Variants in PRAG1 observed in about 807,000 individuals in gnomAD.
PRAG1 encodes the protein inactive tyrosine-protein kinase PRAG1.
A neutral mutation model predicts 95.6 loss-of-function variants in PRAG1; 110 were observed. The ratio of observed to expected loss-of-function variants is 1.15; its 90% CI spans 0.99 to 1.35. The LOEUF is 1.35. Ranked by LOEUF, PRAG1 falls within the 40% of genes most tolerant of loss-of-function variation. The pLI, the probability that PRAG1 is intolerant of heterozygous loss-of-function variation, is 0.00. For missense variants in PRAG1, 2,554 were observed against 1,864.7 expected (o/e 1.37, Z -6.81); for synonymous variants, 1,052 against 819.4 (o/e 1.28, Z -4.85).
chr8:8,323,546 G>A (rs1292079056), intron 5 of PRAG1, among the ~76,000 whole-genome samples: 1 of 152,074 alleles, frequency 6.6e-6, no homozygotes, highest in South Asian at 2.1e-4. Context: ...GGCTGGTCTT[G>A]AACTCCTGAC....
Position 8,327,910 on chromosome 8 carries a change from G to C in PRAG1, c.2872C>G (p.Leu958Val), listed in dbSNP as rs1798684039. 6.2e-7 allele frequency: 1 copy of C among 1,614,060 alleles called. No homozygotes were observed. Among genetic ancestry groups the C allele is most frequent in the Non-Finnish European group, 8.5e-7 (1 of 1,179,958 alleles). ...AGGCGGGCCAGGGACTGGGTGTAGA[G>C]TCCCCCCAGCTTGGCATAGGTGCCC... ...KEGTYAKLGGLYTQSLARLVA... is the reference protein window; with the variant it reads ...KEGTYAKLGGVYTQSLARLVA... The change falls in exon 5 of 6, where the codon CTC becomes GTC. Residue 958 changes from leucine to valine, a missense_variant. Transcript: ENST00000615670.
chr8:8,318,891 G>T lies in PRAG1; in HGVS notation c.3484C>A (p.Pro1162Thr). The stretch of plus-strand genomic sequence containing the variant: ...GGGGCGGGGGCGGGGGCGGGCCCGG[G>T]GCCGGCCTGGAGGGTGCAGTGCACC... ...LLVHCTLQAG[P>T]GPAPAPAPAP... is the part of the protein sequence containing the mutation. The change falls in exon 6 of 6, where the codon CCC (proline) becomes ACC (threonine). Residue 1162 changes from proline (P) to threonine (T), a missense_variant. Coordinates refer to ENST00000615670, the MANE Select transcript of PRAG1 (RefSeq NM_001080826.3). This position sits in a 1 kb window ranked among gnomAD's most constrained non-coding sequence, Gnocchi z 4.2. 2 of 1,467,722 alleles carry T rather than the reference G, an allele frequency of 1.4e-6. No homozygotes were observed. The highest frequency in any genetic ancestry group is 1.8e-6 in the Non-Finnish European group (2 of 1,098,860). 90.9% of individuals were successfully genotyped at this position (1,467,722 alleles called of 1,614,324 possible).
chr8:8,372,844 G>C (rs1800255597), intron 3 of PRAG1, among the ~76,000 whole-genome samples: 1 of 152,126 alleles, frequency 6.6e-6, no homozygotes, highest in Non-Finnish European at 1.5e-5. Context: ...CAGAACAACA[G>C]GCAAAAGAGA....
chr8:8,326,360 A>T (rs1223084252), intron 5 of PRAG1, among the ~76,000 whole-genome samples: 1 of 152,010 alleles, frequency 6.6e-6, no homozygotes, highest in African/African-American at 2.4e-5. Context: ...GGCCATTTCA[A>T]ATTAGCTTAT....
intron 3 of PRAG1, among the ~76,000 whole-genome samples, chr8:8,349,319 C>T (rs1799445200): frequency 6.6e-6 from 1 of 151,736 alleles, no homozygotes; most frequent in South Asian, 2.1e-4. Flanking sequence ...CTCGCTCTGT[C>T]ACCCAGGCTG....
In PRAG1 at chr8:8,377,800, G is replaced by C. The variant is rs770550679; in HGVS notation, c.609C>G (p.Thr203=). ...PSFPYQDRPS[T]QESFRQKLAA... is the part of the protein sequence containing the mutation. ...CCAGTTTCTGGCGGAAGCTCTCCTGGGTGGAGGGCCGGTCTTGGTAAGGAA... is the reference window on the plus strand; with the variant it reads ...CCAGTTTCTGGCGGAAGCTCTCCTGCGTGGAGGGCCGGTCTTGGTAAGGAA... Residue 203 remains threonine, a synonymous_variant, in exon 3 of 6, where the codon ACC becomes ACG. Transcript: ENST00000615670. 1 of 1,614,046 alleles carries C rather than the reference G, an allele frequency of 6.2e-7. No individual in the cohort carries two copies. Among genetic ancestry groups the C allele is most frequent in the African/African-American group, 1.3e-5 (1 of 74,938 alleles).
At chr8:8,341,551 C>A (rs1478863132) in intron 3 of PRAG1, among the ~76,000 whole-genome samples, 1 of 152,128 alleles carries the variant, frequency 6.6e-6, no homozygotes, top group African/African-American at 2.4e-5. Context: ...ATTTCAAAAT[C>A]ATTTTTGGCT....
At chr8:8,321,981 A>G (rs1798484236) in intron 5 of PRAG1, among the ~76,000 whole-genome samples, 1 of 152,158 alleles carries the variant, frequency 6.6e-6, no homozygotes, top group Non-Finnish European at 1.5e-5. Flanking sequence ...GTTTAGAGAT[A>G]CCTTGTTTAA....
chr8:8,338,170 G>A (rs1025176104), intron 4 of PRAG1, among the ~76,000 whole-genome samples: 1 of 152,096 alleles, frequency 6.6e-6, no homozygotes, highest in African/African-American at 2.4e-5. Flanking sequence ...CTCATGTTCT[G>A]GGCTGCCCAA....
At chr8:8,326,281 T>TA (rs1425900651) in intron 5 of PRAG1, among the ~76,000 whole-genome samples, 2 of 149,752 alleles carry the variant, frequency 1.3e-5, no homozygotes, top group African/African-American at 2.4e-5. Flanking sequence ...TAAATATTGT[T>TA]TAATATTATT....
Position 8,377,409 on chromosome 8 carries a change from C to T in PRAG1, c.1000G>A (p.Ala334Thr). ...GPKKLSLTSE[A>T]AISSDGLSCG... Reference sequence around the variant, plus strand: ...GAGAGGCCGTCGGAAGAAATGGCAGCCTCCGAGGTGAGGGACAGTTTCTTG... The same window carrying T: ...GAGAGGCCGTCGGAAGAAATGGCAGTCTCCGAGGTGAGGGACAGTTTCTTG... Residue 334 changes from alanine to threonine, a missense_variant, in exon 3 of 6, where the codon GCT (alanine) becomes ACT (threonine). Transcript: ENST00000615670. 1 of 1,574,476 alleles carries T rather than the reference C, an allele frequency of 6.4e-7. No individual in the cohort carries two copies. Among genetic ancestry groups the T allele is most frequent in the Non-Finnish European group, 8.6e-7 (1 of 1,161,632 alleles).
At chr8:8,359,330 A>G (rs1799776773) in intron 3 of PRAG1, among the ~76,000 whole-genome samples, 1 of 152,200 alleles carries the variant, frequency 6.6e-6, no homozygotes, top group Non-Finnish European at 1.5e-5. Flanking sequence ...TGTTAATCTT[A>G]TTACTAATTC....
At chr8:8,337,227 G>T (rs114889929) in intron 4 of PRAG1, among the ~76,000 whole-genome samples, 3 of 152,132 alleles carry the variant, frequency 2.0e-5, no homozygotes, top group African/African-American at 4.8e-5. Context: ...TTTCTATTTG[G>T]ATCTAATCTC....
chr8:8,336,902 C>T (rs1381024316), intron 4 of PRAG1, among the ~76,000 whole-genome samples: 3 of 69,162 alleles, frequency 4.3e-5, no homozygotes, highest in African/African-American at 2.0e-4. Context: ...CCTCCCCACA[C>T]CCCTTTCCCC....
At chr8:8,372,238 T>G (rs1194962621) in intron 3 of PRAG1, among the ~76,000 whole-genome samples, 1 of 152,230 alleles carries the variant, frequency 6.6e-6, no homozygotes, top group East Asian at 1.9e-4. Context: ...CAGGCTGGTC[T>G]TGAACTCCTT....
intron 3 of PRAG1, among the ~76,000 whole-genome samples, chr8:8,350,912 ATGGATGGATGGATG>A (rs1366154035): frequency 5.6e-5 from 8 of 144,006 alleles, no homozygotes; most frequent in African/African-American, 2.3e-4. Flanking sequence ...GGATGGATGG[ATGGATGGATGGATG>A]GATGGATGGA....
At chr8:8,363,918 C>T (rs756233077) in intron 3 of PRAG1, among the ~76,000 whole-genome samples, 2 of 152,142 alleles carry the variant, frequency 1.3e-5, no homozygotes, top group Non-Finnish European at 2.9e-5. Context: ...TGTTTCTGGA[C>T]ATATTTCTAG....
intron 2 of PRAG1, among the ~76,000 whole-genome samples, chr8:8,378,838 C>A (rs990062531): frequency 5.6e-5 from 8 of 142,360 alleles, no homozygotes; most frequent in Non-Finnish European, 1.0e-4. Context: ...CCAGCCTGGG[C>A]GACAATGCCA....
intron 4 of PRAG1, among the ~76,000 whole-genome samples, chr8:8,334,301 G>A (rs1335666157): frequency 1.3e-5 from 2 of 152,174 alleles, no homozygotes; most frequent in East Asian, 3.9e-4. Flanking sequence ...GCTGGGCATA[G>A]TGGTGTGTGC....
Sources: gnomAD v4.1 joint callset for allele counts (sites outside exome capture counted in the v4.1 genomes callset) on GRCh38, gnomAD v4.1.1 for gene constraint, Gnocchi (gnomAD v3.1) non-coding constraint, MANE v1.5 for transcripts, NCBI Gene and HGNC (gene_info 2026-07-23, HGNC 2026-07-21) for gene names.